Variants in OPRM1 observed in about 807,000 individuals in gnomAD.
The protein encoded by OPRM1 is mu-type opioid receptor.
In OPRM1, 27 loss-of-function variants were observed where a neutral mutation model predicts 31.8. That is an observed-to-expected ratio of 0.85 (90% CI 0.63 to 1.17). The LOEUF is 1.17. Ranked by LOEUF, OPRM1 falls within the 50% of genes most tolerant of loss-of-function variation. The pLI is 0.00. For synonymous variants in OPRM1, 196 were observed against 189.9 expected, an observed-to-expected ratio of 1.03 and a Z score of -0.26; for missense variants, 536 against 511.1, an observed-to-expected ratio of 1.05 and a Z score of -0.47.
At chr6:154,154,560 G>A (rs1019513324) in intron 3 of OPRM1, 2 of 152,138 alleles carry the variant, frequency 1.3e-5, no homozygotes, top group Admixed American at 6.6e-5. Context: ...TTTGATGACT[G>A]CCACCAGAGG....
At position 154,062,113 on chromosome 6, in the gene OPRM1, GT is replaced by G. The variant is rs1366705290; in HGVS notation, c.290+22284del. 2.0e-5 allele frequency among the ~76,000 whole-genome samples: 3 copies of G among 152,176 alleles called. No homozygotes were observed. The East Asian group carries it at 5.8e-4, about 29-fold the overall frequency. ...TAAGTTTAGAGTGATTTATATTTTAGTTTTTATATAGTTCAGTGTTATTCAG... is the reference window on the plus strand; with the variant it reads ...TAAGTTTAGAGTGATTTATATTTTAGTTTTATATAGTTCAGTGTTATTCAG... On this transcript the variant is annotated intron_variant, in intron 1 of 3. Coordinates refer to ENST00000330432, the MANE Select transcript of OPRM1 (RefSeq NM_000914.5).
chr6:154,236,592 G>A (rs887660902), intron 3 of OPRM1, among the ~76,000 whole-genome samples: 8 of 152,162 alleles, frequency 5.3e-5, no homozygotes, highest in South Asian at 2.1e-4. Flanking sequence ...CTCTGAAATC[G>A]TTATTTGTCA....
chr6:154,239,726 C>T (rs576099569), intron 3 of OPRM1, among the ~76,000 whole-genome samples: 5 of 152,046 alleles, frequency 3.3e-5, no homozygotes, highest in East Asian at 3.9e-4. Context: ...TTTTTTGAGA[C>T]GCAGTCTCGC....
At chr6:154,150,506 G>A (rs1293547303) in intron 3 of OPRM1, among the ~76,000 whole-genome samples, 1 of 152,224 alleles carries the variant, frequency 6.6e-6, no homozygotes, top group Non-Finnish European at 1.5e-5. Context: ...TTGGGAGTGA[G>A]CCTAGCAAGG....
chr6:154,176,018 G>A (rs897299014), intron 3 of OPRM1, among the ~76,000 whole-genome samples: 6 of 151,954 alleles, frequency 3.9e-5, no homozygotes, highest in African/African-American at 9.7e-5. Context: ...CTGCTTCAAC[G>A]TACCCAAATC....
intron 1 of OPRM1, among the ~76,000 whole-genome samples, chr6:154,056,831 C>T (rs2128425788): frequency 6.6e-6 from 1 of 152,194 alleles, no homozygotes; most frequent in East Asian, 1.9e-4. Context: ...CCAAGAAGAA[C>T]AAGGGAAATT....
At chr6:154,164,715 G>C (rs1236095653) in intron 3 of OPRM1, among the ~76,000 whole-genome samples, 6 of 152,132 alleles carry the variant, frequency 3.9e-5, no homozygotes, top group African/African-American at 7.2e-5. Flanking sequence ...GGGAAGAAAG[G>C]GTTCACCGCT....
chr6:154,122,069 G>T lies in OPRM1; in HGVS notation c.*3348G>T, dbSNP rs996084704. Among the ~76,000 whole-genome samples the T allele has an allele frequency of 3.3e-5, 5 of 152,130 alleles. No individual in the cohort carries two copies. Among genetic ancestry groups the T allele is most frequent in the African/African-American group, 1.2e-4 (5 of 41,426 alleles). On this transcript the variant is annotated 3_prime_UTR_variant, in exon 4 of 4. Transcript: ENST00000330432. ...GCAGAAGCTGATACTATCCGTTGTG[G>T]TTTTACAAATTCTAGAGGGTTCTAG...
intron 1 of OPRM1, among the ~76,000 whole-genome samples, chr6:154,019,222 A>G (rs191235421): frequency 1.8e-5 from 2 of 110,376 alleles, no homozygotes; most frequent in Admixed American, 1.9e-4. Context: ...ATGCTTTTTT[A>G]AAAAATCATC....
intron 1 of OPRM1, among the ~76,000 whole-genome samples, chr6:154,085,646 C>G (rs1477776900): frequency 2.0e-5 from 3 of 152,128 alleles, no homozygotes; most frequent in African/African-American, 7.2e-5. Flanking sequence ...CAGCACAGTA[C>G]AAAGCAGTAG....
chr6:154,201,383 C>T (rs1033344095), intron 3 of OPRM1, among the ~76,000 whole-genome samples: 1 of 152,122 alleles, frequency 6.6e-6, no homozygotes, highest in African/African-American at 2.4e-5. Flanking sequence ...TGTCTCTTTT[C>T]CTTTCTTTAA....
chr6:154,245,745 C>T (rs7755471), intron 3 of OPRM1, among the ~76,000 whole-genome samples: 3,290 of 152,310 alleles, frequency 0.022, 128 homozygotes, highest in African/African-American at 0.075. Flanking sequence ...GACTCACACT[C>T]TCCTGAGAGC....
downstream of OPRM1, among the ~76,000 whole-genome samples, chr6:154,134,433 A>G (rs1028899005): frequency 1.3e-5 from 2 of 152,210 alleles, no homozygotes; most frequent in Non-Finnish European, 2.9e-5. Context: ...TCTGCAAAGA[A>G]GACTTCTGAT....
intron 1 of OPRM1, among the ~76,000 whole-genome samples, chr6:154,077,030 G>A (rs1157662465): frequency 6.6e-6 from 1 of 151,862 alleles, no homozygotes; most frequent in African/African-American, 2.4e-5. Flanking sequence ...ATAAAAGCAG[G>A]CAAAAAAGTC....
intron 3 of OPRM1, chr6:154,214,249 T>C (rs1214556396): frequency 1.2e-6 from 2 of 1,611,690 alleles, no homozygotes; most frequent in African/African-American, 2.7e-5. Context: ...CCTGATGGAT[T>C]ACAGCCGATC....
upstream of OPRM1, among the ~76,000 whole-genome samples, chr6:154,036,764 T>A (rs749106889): frequency 2.6e-5 from 4 of 152,092 alleles, no homozygotes; most frequent in African/African-American, 9.6e-5. Context: ...TCACCCAGAT[T>A]GCATATATTT....
At chr6:154,113,367 C>T (rs17174885) in intron 3 of OPRM1, among the ~76,000 whole-genome samples, 2,446 of 152,274 alleles carry the variant, frequency 0.016, 59 homozygotes, top group African/African-American at 0.057. Flanking sequence ...AGAGTGGCGC[C>T]ATTGCCAATT....
Position 154,090,102 on chromosome 6 carries a change from C to T in OPRM1, c.567C>T (p.Ile189=). The T allele has an allele frequency of 1.2e-6, 2 of 1,614,148 alleles. No individual in the cohort carries two copies. The highest frequency in any genetic ancestry group is 1.7e-6 in the Non-Finnish European group (2 of 1,180,010). ...DFRTPRNAKI[I]NVCNWILSSA... ...GTACTCCCCGAAATGCCAAAATTAT[C>T]AATGTCTGCAACTGGATCCTCTCTT... The change falls in exon 2 of 4, where the codon ATC becomes ATT. Residue 189 remains isoleucine, a synonymous_variant. Coordinates refer to ENST00000330432, the MANE Select transcript of OPRM1 (RefSeq NM_000914.5).
chr6:154,137,374 T>G (rs1035222170), intron 3 of OPRM1, among the ~76,000 whole-genome samples: 8 of 152,210 alleles, frequency 5.3e-5, no homozygotes, highest in Admixed American at 5.2e-4. Context: ...GGCATGCTTG[T>G]GCAAGACTAA....
Sources: gnomAD v4.1 joint callset for allele counts (sites outside exome capture counted in the v4.1 genomes callset) on GRCh38, gnomAD v4.1.1 for gene constraint, MANE v1.5 for transcripts, NCBI Gene and HGNC (gene_info 2026-07-23, HGNC 2026-07-21) for gene names.